ASIC2: variants seen among roughly 807,000 people sequenced by gnomAD.
ASIC2 encodes the protein acid-sensing ion channel 2.
In ASIC2, 25 loss-of-function variants were observed where a neutral mutation model predicts 57.3. The observed-to-expected ratio is 0.44, with a 90% confidence interval of 0.32 to 0.61. The LOEUF is 0.61. Among genes scored for constraint, ASIC2 ranks in the 20% least tolerant of loss-of-function variants. ASIC2 has a pLI of 0.06. For synonymous variants in ASIC2, 319 were observed against 307.5 expected, an observed-to-expected ratio of 1.04 and a Z score of -0.39; for missense variants, 641 against 738.1, an observed-to-expected ratio of 0.87 and a Z score of 1.52.
chr17:33,235,157 G>A (rs1307724023), intron 1 of ASIC2, among the ~76,000 whole-genome samples: 2 of 152,220 alleles, frequency 1.3e-5, no homozygotes, highest in African/African-American at 4.8e-5. Flanking sequence ...AGCCAGAGAT[G>A]CAGGCAGCCA....
intron 1 of ASIC2, among the ~76,000 whole-genome samples, chr17:33,581,684 C>G (rs957422092): frequency 1.3e-5 from 2 of 152,084 alleles, no homozygotes; most frequent in African/African-American, 4.8e-5. Context: ...TATTGGCTAC[C>G]CTTTATCTGG....
At chr17:33,905,927 C>T (rs1247604634) in intron 1 of ASIC2, among the ~76,000 whole-genome samples, 1 of 152,124 alleles carries the variant, frequency 6.6e-6, no homozygotes, top group Admixed American at 6.5e-5. Context: ...AAGTGATCCT[C>T]CTACCTCAGC....
At chr17:33,704,223 C>T (rs1195355659) in intron 1 of ASIC2, among the ~76,000 whole-genome samples, 1 of 152,186 alleles carries the variant, frequency 6.6e-6, no homozygotes, top group Admixed American at 6.5e-5. Flanking sequence ...TTTACCTGTC[C>T]TCAAACTGAT....
chr17:33,984,659 T>G (rs545515790), intron 1 of ASIC2, among the ~76,000 whole-genome samples: 1 of 152,330 alleles, frequency 6.6e-6, no homozygotes, highest in East Asian at 1.9e-4. Flanking sequence ...GCCTTTGCAC[T>G]GCATGAGTCA....
chr17:33,363,943 A>G (rs1451340192), intron 1 of ASIC2, among the ~76,000 whole-genome samples: 1 of 152,170 alleles, frequency 6.6e-6, no homozygotes, highest in African/African-American at 2.4e-5. Flanking sequence ...CAGTCTGGAA[A>G]GCTGCTTTGG....
At chr17:33,535,321 G>A (rs564553730) in intron 1 of ASIC2, among the ~76,000 whole-genome samples, 171 of 150,042 alleles carry the variant, frequency 1.1e-3, no homozygotes, top group African/African-American at 3.9e-3. Context: ...CGCCCAGGCC[G>A]GAGTGCAGTG....
At chr17:33,065,818 C>G (rs528619484) in intron 3 of ASIC2, among the ~76,000 whole-genome samples, 17 of 152,010 alleles carry the variant, frequency 1.1e-4, no homozygotes, top group African/African-American at 3.9e-4. Context: ...ACTATATGTC[C>G]GATTTTTAAA....
rs398041640 is a variant in ASIC2 at position 34,016,423 on chromosome 17, C to CAAAAAAAA, written c.555+139547_555+139554dup. Among the ~76,000 whole-genome samples, 280 of 40,870 alleles carry CAAAAAAAA rather than the reference C, an allele frequency of 6.9e-3. 1 individual carries two copies. The highest frequency in any genetic ancestry group is 0.013 in the Middle Eastern group (1 of 76). 26.8% of individuals were successfully genotyped at this position (40,870 alleles called of 152,430 possible). A position where few individuals can be genotyped will look rare whatever the true frequency, so the allele number is the denominator to read the frequency against. ...TGGACGAAAGAGCGAGACTCCGTCTCAAAAAAAAAAAAAAAAAAAAAAAAG... is the reference window on the plus strand; with the variant it reads ...TGGACGAAAGAGCGAGACTCCGTCTCAAAAAAAAAAAAAAAAAAAAAAAAAAAAAAAAG... On this transcript the variant is annotated intron_variant, in intron 1 of 9. Transcript: ENST00000359872.
At chr17:33,497,559 G>T (rs1348328235) in intron 1 of ASIC2, among the ~76,000 whole-genome samples, 1 of 152,206 alleles carries the variant, frequency 6.6e-6, no homozygotes, top group Non-Finnish European at 1.5e-5. Context: ...GCAGTGGAAA[G>T]AATGCAGAGA....
At chr17:33,585,448 C>A (rs952266573) in intron 1 of ASIC2, among the ~76,000 whole-genome samples, 10 of 152,080 alleles carry the variant, frequency 6.6e-5, no homozygotes, top group African/African-American at 2.2e-4. Context: ...TAAGTTAAAC[C>A]AAACCCAGAA....
At chr17:33,870,051 C>T (rs965291247) in intron 1 of ASIC2, among the ~76,000 whole-genome samples, 1 of 151,978 alleles carries the variant, frequency 6.6e-6, no homozygotes, top group African/African-American at 2.4e-5. Flanking sequence ...AAATGAAATG[C>T]ATCTCTTGCT....
intron 1 of ASIC2, among the ~76,000 whole-genome samples, chr17:33,817,053 G>C (rs758374423): frequency 6.6e-6 from 1 of 152,198 alleles, no homozygotes; most frequent in East Asian, 1.9e-4. Context: ...GTGCCCCAGC[G>C]GGGCTGCACA....
intron 1 of ASIC2, among the ~76,000 whole-genome samples, chr17:33,138,821 T>C (rs573239848): frequency 2.6e-5 from 4 of 152,230 alleles, no homozygotes; most frequent in African/African-American, 4.8e-5. Context: ...CTATCTTGAA[T>C]TGACATTTTA....
intron 1 of ASIC2, among the ~76,000 whole-genome samples, chr17:33,757,898 C>G (rs1910659939): frequency 6.6e-6 from 1 of 152,204 alleles, no homozygotes; most frequent in Non-Finnish European, 1.5e-5. Context: ...CAGAGGCCGA[C>G]AGTGCTCTGG....
intron 1 of ASIC2, among the ~76,000 whole-genome samples, chr17:33,391,452 G>A (rs1305525000): frequency 6.6e-6 from 1 of 152,214 alleles, no homozygotes; most frequent in Non-Finnish European, 1.5e-5. Flanking sequence ...GACCACAGAG[G>A]TCTGGTCCTG....
intron 1 of ASIC2, among the ~76,000 whole-genome samples, chr17:34,032,638 C>T (rs1314728712): frequency 1.3e-5 from 2 of 151,228 alleles, no homozygotes; most frequent in Non-Finnish European, 3.0e-5. Flanking sequence ...CAGAGACACA[C>T]ATAGGCTCAA....
intron 1 of ASIC2, among the ~76,000 whole-genome samples, chr17:33,883,625 T>C (rs1321127740): frequency 1.3e-5 from 2 of 152,172 alleles, no homozygotes; most frequent in Non-Finnish European, 2.9e-5. Flanking sequence ...CAGATGCACA[T>C]GTCAGTTGCC....
At chr17:33,188,563 C>A (rs1343487934) in intron 1 of ASIC2, among the ~76,000 whole-genome samples, 1 of 151,748 alleles carries the variant, frequency 6.6e-6, no homozygotes, top group Non-Finnish European at 1.5e-5. Context: ...TTAAATGAAG[C>A]CAGAAACAAA....
chr17:34,126,891 G>A (rs1046867022), intron 1 of ASIC2, among the ~76,000 whole-genome samples: 1 of 152,158 alleles, frequency 6.6e-6, no homozygotes, highest in Non-Finnish European at 1.5e-5. Flanking sequence ...CGTGAACCAT[G>A]TGCTGAGTAG....
Sources: allele counts gnomAD v4.1 joint callset (sites outside exome capture counted in the v4.1 genomes callset), GRCh38; gene constraint gnomAD v4.1.1; transcripts MANE v1.5; gene names NCBI Gene and HGNC (gene_info 2026-07-23, HGNC 2026-07-21).